NBEA: variants seen among roughly 807,000 people sequenced by gnomAD.
NBEA encodes lysosomal-trafficking regulator 2.
Under a neutral mutation model 343.4 loss-of-function variants are expected in NBEA, and 44 were observed. The observed-to-expected ratio is 0.13, with a 90% confidence interval of 0.10 to 0.16. NBEA has a LOEUF of 0.16. Among genes scored for constraint, NBEA ranks in the 10% least tolerant of loss-of-function variants. The pLI, the probability that NBEA is intolerant of heterozygous loss-of-function variation, is 1.00. For synonymous variants in NBEA, 1,175 were observed against 1,238.7 expected, an observed-to-expected ratio of 0.95 and a Z score of 1.08; for missense variants, 2,555 against 3,631.3, an observed-to-expected ratio of 0.70 and a Z score of 7.62.
chr13:35,156,137 T>C lies in NBEA; in HGVS notation c.2582T>C (p.Leu861Pro). 6.3e-7 allele frequency: 1 copy of C among 1,593,634 alleles called. No homozygotes were observed. The highest frequency in any genetic ancestry group is 8.5e-7 in the Non-Finnish European group (1 of 1,171,270). Residue 861 changes from leucine (L) to proline (P), a missense_variant, in exon 20 of 59, where the codon CTG becomes CCG. Transcript: ENST00000379939. ...AAAAACTCTACACCAAGTGCAGAGC[T>C]GATGGAAGTTCGTCGTTTATTTTTA... ...LLKNSTPSAELMEVRRLFLSD... is the reference protein window; with the variant it reads ...LLKNSTPSAEPMEVRRLFLSD...
intron 44 of NBEA, among the ~76,000 whole-genome samples, chr13:35,562,702 T>C (rs1259729476): frequency 6.6e-6 from 1 of 152,078 alleles, no homozygotes; most frequent in Non-Finnish European, 1.5e-5. Flanking sequence ...TCTAGAAAAA[T>C]CATTAAAAAT....
chr13:35,031,925 T>G (rs1462444745), intron 1 of NBEA, among the ~76,000 whole-genome samples: 1 of 151,848 alleles, frequency 6.6e-6, no homozygotes. Context: ...CTGCATTAGT[T>G]TGCTAACGAT....
intron 41 of NBEA, chr13:35,476,254 T>G: frequency 6.5e-7 from 1 of 1,532,088 alleles, no homozygotes; most frequent in Non-Finnish European, 9.0e-7. Context: ...CACTCAGAAA[T>G]GGATCAAAAA....
At chr13:35,046,959 T>G (rs2062878575) in intron 4 of NBEA, among the ~76,000 whole-genome samples, 1 of 152,150 alleles carries the variant, frequency 6.6e-6, no homozygotes, top group Non-Finnish European at 1.5e-5. Flanking sequence ...GTTCACATCT[T>G]CCGTTCATTT....
At chr13:35,178,596 CTG>C (rs973056398) in intron 28 of NBEA, among the ~76,000 whole-genome samples, 26 of 151,548 alleles carry the variant, frequency 1.7e-4, no homozygotes, top group African/African-American at 5.8e-4. Flanking sequence ...TAAAAAAAGA[CTG>C]AAAAAATATA....
At chr13:34,967,125 C>T (rs531023094) in intron 1 of NBEA, among the ~76,000 whole-genome samples, 2 of 151,620 alleles carry the variant, frequency 1.3e-5, no homozygotes, top group African/African-American at 4.8e-5. Flanking sequence ...TATTACTTTT[C>T]ATTTTTGGTG....
At chr13:35,013,704 A>G (rs2061559980) in intron 1 of NBEA, among the ~76,000 whole-genome samples, 1 of 152,118 alleles carries the variant, frequency 6.6e-6, no homozygotes, top group Non-Finnish European at 1.5e-5. Context: ...CCTGAGCTCA[A>G]GTAATCCACC....
intron 30 of NBEA, among the ~76,000 whole-genome samples, chr13:35,192,220 G>C (rs916560102): frequency 1.3e-5 from 2 of 151,906 alleles, no homozygotes; most frequent in Non-Finnish European, 2.9e-5. Context: ...TTTGAATCAT[G>C]GATTAAATCC....
At chr13:35,633,421 G>A (rs1463266542) in intron 49 of NBEA, among the ~76,000 whole-genome samples, 1 of 150,408 alleles carries the variant, frequency 6.6e-6, no homozygotes, top group East Asian at 2.1e-4. Context: ...TTTTCAGCTG[G>A]GCGTGATAGC....
intron 34 of NBEA, among the ~76,000 whole-genome samples, chr13:35,234,752 C>T (rs2075144387): frequency 6.6e-6 from 1 of 152,128 alleles, no homozygotes; most frequent in Non-Finnish European, 1.5e-5. Context: ...ACAGCTCAAC[C>T]CAGTCTTCTG....
intron 39 of NBEA, among the ~76,000 whole-genome samples, chr13:35,445,524 T>C (rs1332991485): frequency 1.3e-5 from 2 of 151,776 alleles, no homozygotes; most frequent in African/African-American, 4.8e-5. Flanking sequence ...TGGGGAACAA[T>C]AACTTATGAA....
At chr13:35,534,951 A>G (rs2078459386) in intron 41 of NBEA, among the ~76,000 whole-genome samples, 1 of 152,248 alleles carries the variant, frequency 6.6e-6, no homozygotes, top group African/African-American at 2.4e-5. Flanking sequence ...TGCTTCAAAT[A>G]GCTTTACAAA....
chr13:35,421,911 C>T (rs1304431216), intron 38 of NBEA, among the ~76,000 whole-genome samples: 1 of 151,938 alleles, frequency 6.6e-6, no homozygotes, highest in Non-Finnish European at 1.5e-5. Flanking sequence ...GATGAGATGC[C>T]ACTTTTCTCT....
At chr13:35,554,602 G>T (rs1442842543) in intron 43 of NBEA, among the ~76,000 whole-genome samples, 1 of 152,224 alleles carries the variant, frequency 6.6e-6, no homozygotes, top group Non-Finnish European at 1.5e-5. Context: ...TAAGTCAAAT[G>T]CATGTAAACA....
intron 1 of NBEA, among the ~76,000 whole-genome samples, chr13:35,026,602 A>G (rs2062028149): frequency 6.6e-6 from 1 of 152,146 alleles, no homozygotes; most frequent in Non-Finnish European, 1.5e-5. Context: ...TGGTTAATAC[A>G]TTTTAGCAAA....
In NBEA at chr13:35,424,058, C is replaced by A. The variant is rs367888483; in HGVS notation, c.6180-8211C>A. Among the ~76,000 whole-genome samples the A allele has an allele frequency of 1.1e-4, 16 of 152,126 alleles. 1 individual carries two copies. The East Asian group carries it at 2.5e-3, about 24-fold the overall frequency. ...GCTTAAGGAGATTTTGGGCTGAGAC[C>A]ATGGGGTTTTCTAGATATACAATCA... On this transcript the variant is annotated intron_variant, in intron 38 of 58. Coordinates refer to ENST00000379939, the MANE Select transcript of NBEA (RefSeq NM_001385012.1).
At chr13:35,517,339 C>A (rs74731753) in intron 41 of NBEA, among the ~76,000 whole-genome samples, 738 of 152,200 alleles carry the variant, frequency 4.8e-3, no homozygotes, top group African/African-American at 0.017. Context: ...ACAGATAATC[C>A]CAAAGGTACT....
chr13:35,475,166 C>A, intron 41 of NBEA: 1 of 1,614,044 alleles, frequency 6.2e-7, no homozygotes. Context: ...TGAAACAGAT[C>A]TAAGTTCGGT....
intron 46 of NBEA, among the ~76,000 whole-genome samples, chr13:35,592,157 A>C: frequency 6.6e-6 from 1 of 152,156 alleles, no homozygotes; most frequent in Non-Finnish European, 1.5e-5. Flanking sequence ...AGGACATTGC[A>C]ATAAAGTTAT....
Sources: gnomAD v4.1 joint callset for allele counts (sites outside exome capture counted in the v4.1 genomes callset) on GRCh38, gnomAD v4.1.1 for gene constraint, MANE v1.5 for transcripts, NCBI Gene and HGNC (gene_info 2026-07-23, HGNC 2026-07-21) for gene names.